KHDRBS2: variants seen among roughly 807,000 people sequenced by gnomAD.
The protein encoded by KHDRBS2 is KH domain-containing, RNA-binding, signal transduction-associated protein 2.
Under a neutral mutation model 44.3 loss-of-function variants are expected in KHDRBS2, and 26 were observed. That is an observed-to-expected ratio of 0.59 (90% CI 0.43 to 0.81). The LOEUF is 0.81. KHDRBS2 is among the 40% of genes least tolerant of loss of function. The pLI is 0.00. For synonymous variants in KHDRBS2, 194 were observed against 151.1 expected (o/e 1.28, Z -2.08); for missense variants, 476 against 433.1 (o/e 1.10, Z -0.88).
At chr6:61,684,111 C>A (rs1164385521) in intron 8 of KHDRBS2, among the ~76,000 whole-genome samples, 1 of 151,896 alleles carries the variant, frequency 6.6e-6, no homozygotes, top group East Asian at 1.9e-4. Context: ...TACACATTTA[C>A]AATTGCCACA....
chr6:62,018,640 C>T (rs1359275904), intron 3 of KHDRBS2, among the ~76,000 whole-genome samples: 1 of 152,040 alleles, frequency 6.6e-6, no homozygotes, highest in African/African-American at 2.4e-5. Flanking sequence ...CCACCGCGCC[C>T]GGCCCAATAT....
intron 2 of KHDRBS2, among the ~76,000 whole-genome samples, chr6:62,118,999 C>T (rs112806021): frequency 3.5e-4 from 53 of 152,280 alleles, no homozygotes; most frequent in African/African-American, 1.1e-3. Context: ...ATAGATCCAT[C>T]TATCCTACTG....
chr6:61,981,920 C>G (rs1773924860), intron 3 of KHDRBS2, among the ~76,000 whole-genome samples: 1 of 152,080 alleles, frequency 6.6e-6, no homozygotes, highest in Non-Finnish European at 1.5e-5. Context: ...CTTGATCTCC[C>G]TGATACGTCC....
chr6:62,073,530 C>CTTTTTTTTTTTTTTTTTTTTTTT (rs60124030), intron 2 of KHDRBS2, among the ~76,000 whole-genome samples: 2 of 124,416 alleles, frequency 1.6e-5, no homozygotes, highest in Admixed American at 8.1e-5. Flanking sequence ...TTTCTTTTTT[C>CTTTTTTTTTTTTTTTTTTTTTTT]TTTTTTTTTT....
intron 6 of KHDRBS2, among the ~76,000 whole-genome samples, chr6:61,838,854 A>C (rs1287071627): frequency 6.6e-6 from 1 of 152,056 alleles, no homozygotes; most frequent in Non-Finnish European, 1.5e-5. Context: ...AAATGCATTC[A>C]TACATTCGCT....
At chr6:61,592,151 G>A in the KHDRBS2 span, among the ~76,000 whole-genome samples, 94 of 139,318 alleles carry the variant, frequency 6.7e-4, no homozygotes, top group South Asian at 3.4e-3. Context: ...TGATTGTGTC[G>A]CTGCACTCCA....
At chr6:61,643,781 A>G in the KHDRBS2 span, among the ~76,000 whole-genome samples, 1 of 152,222 alleles carries the variant, frequency 6.6e-6, no homozygotes, top group African/African-American at 2.4e-5. Context: ...GAGAATTACA[A>G]AACACTGCTC....
At chr6:61,879,461 G>T (rs1799908409) in intron 6 of KHDRBS2, among the ~76,000 whole-genome samples, 1 of 151,800 alleles carries the variant, frequency 6.6e-6, no homozygotes, top group South Asian at 2.1e-4. Flanking sequence ...TCTGTTTTCA[G>T]GCCTATGTCT....
intron 2 of KHDRBS2, among the ~76,000 whole-genome samples, chr6:62,141,055 C>T (rs1812699825): frequency 6.6e-6 from 1 of 152,058 alleles, no homozygotes; most frequent in Non-Finnish European, 1.5e-5. Flanking sequence ...ATTGTTATAA[C>T]TACGGAAATT....
At chr6:61,631,335 A>AAAAAAAAAAAAAAAAAAAG in the KHDRBS2 span, among the ~76,000 whole-genome samples, 6 of 104,736 alleles carry the variant, frequency 5.7e-5, 1 homozygote, top group East Asian at 2.7e-4. Flanking sequence ...AAAAAAAAAA[A>AAAAAAAAAAAAAAAAAAAG]AAGACAATAC....
intron 3 of KHDRBS2, among the ~76,000 whole-genome samples, chr6:61,992,745 A>G (rs1776378884): frequency 6.6e-6 from 1 of 152,226 alleles, no homozygotes; most frequent in South Asian, 2.1e-4. Context: ...CATTTTAATC[A>G]AAGAAACAGC....
chr6:61,768,905 T>A (rs539581420), intron 6 of KHDRBS2, among the ~76,000 whole-genome samples: 2 of 152,232 alleles, frequency 1.3e-5, no homozygotes, highest in East Asian at 1.9e-4. Context: ...TTCTATTCAG[T>A]CACTTGGTTT....
At chr6:62,046,360 A>C (rs1293326540) in intron 3 of KHDRBS2, among the ~76,000 whole-genome samples, 2 of 152,018 alleles carry the variant, frequency 1.3e-5, no homozygotes, top group Admixed American at 1.3e-4. Context: ...TAGATTCTGC[A>C]TGTGCAAAGC....
At chr6:62,276,492 T>TG (rs1840958110) in intron 1 of KHDRBS2, among the ~76,000 whole-genome samples, 1 of 152,166 alleles carries the variant, frequency 6.6e-6, no homozygotes, top group African/African-American at 2.4e-5. Flanking sequence ...AATCACTTTT[T>TG]GGGTCCAAAG....
At chr6:61,935,208 A>C (rs1810809846) in intron 4 of KHDRBS2, among the ~76,000 whole-genome samples, 1 of 152,170 alleles carries the variant, frequency 6.6e-6, no homozygotes, top group East Asian at 1.9e-4. Flanking sequence ...TGAGGTAGTA[A>C]ATGTTCCCTA....
chr6:61,935,222 G>A (rs1435502938), intron 4 of KHDRBS2, among the ~76,000 whole-genome samples: 1 of 152,180 alleles, frequency 6.6e-6, no homozygotes, highest in Non-Finnish European at 1.5e-5. Context: ...TTCCCTAAGA[G>A]ATAGCATCCC....
the KHDRBS2 span, among the ~76,000 whole-genome samples, chr6:61,629,272 A>G: frequency 1.3e-5 from 2 of 152,230 alleles, no homozygotes; most frequent in Non-Finnish European, 2.9e-5. Context: ...ACCTTTAAGT[A>G]TAATAAGGTG....
At chr6:61,600,966 C>G in the KHDRBS2 span, among the ~76,000 whole-genome samples, 1 of 152,166 alleles carries the variant, frequency 6.6e-6, no homozygotes, top group East Asian at 1.9e-4. Flanking sequence ...GTCATGGACT[C>G]GGGAAGACAG....
the KHDRBS2 span, among the ~76,000 whole-genome samples, chr6:61,613,137 C>T: frequency 6.6e-6 from 1 of 152,156 alleles, no homozygotes; most frequent in East Asian, 1.9e-4. Flanking sequence ...CAGGCGTGAG[C>T]CACTGCACCC....
Sources: allele counts gnomAD v4.1 joint callset (sites outside exome capture counted in the v4.1 genomes callset), GRCh38; gene constraint gnomAD v4.1.1; transcripts MANE v1.5; gene names NCBI Gene and HGNC (gene_info 2026-07-23, HGNC 2026-07-21).